Variants in MUC4 observed in about 807,000 individuals in gnomAD.
The protein encoded by MUC4 is mucin-4.
A neutral mutation model predicts 257.9 loss-of-function variants in MUC4; 202 were observed. The observed-to-expected ratio is 0.78, with a 90% CI of 0.70 to 0.88. The LOEUF (loss-of-function observed/expected upper bound fraction) is 0.88. Ranked by LOEUF, MUC4 falls within the 40% of genes least tolerant of loss-of-function variation. The pLI, the probability that MUC4 is intolerant of heterozygous loss-of-function variation, is 0.00. For synonymous variants in MUC4, 2,351 were observed against 2,757.1 expected (o/e 0.85, Z 4.62); for missense variants, 5,976 against 6,513.7 (o/e 0.92, Z 2.84).
At chr3:195,762,406 C>G in intron 13 of MUC4, 152 bp from the exon 14 acceptor site, 7 of 857,864 alleles carry the variant, frequency 8.2e-6, no homozygotes, top group Non-Finnish European at 1.2e-5. Flanking sequence ...GGCCGGCGAG[C>G]TGCACGCCCC....
At chr3:195,776,546 A>ACCCATACCTTCCG (rs1724796435) in intron 3 of MUC4, among the ~76,000 whole-genome samples, 2 of 2,598 alleles carry the variant, frequency 7.7e-4, no homozygotes, top group Admixed American at 2.1e-3. Flanking sequence ...CATACCTTCC[A>ACCCATACCTTCCG]CACCCATACC....
rs565407288 is a variant in MUC4, at chr3:195,789,670, C to T, written c.1910G>A (p.Arg637Lys). The T allele has an allele frequency of 6.2e-7, 1 of 1,613,914 alleles. No homozygotes were observed. Among genetic ancestry groups the T allele is most frequent in the Admixed American group, 1.7e-5 (1 of 60,012 alleles). Residue 637 changes from arginine (R) to lysine (K), a missense_variant, in exon 2 of 25, where the codon AGG becomes AAG. Arg to Lys is a conservative substitution (Grantham distance 26). Around this residue, in one of 44 missense-constraint regions of MUC4, gnomAD observed 1,583 missense variants for 1,257.4 expected, o/e 1.26. Coordinates refer to ENST00000463781, the MANE Select transcript of MUC4 (RefSeq NM_018406.7). ...GGTCTGCGGGGCTTGAGTGTGACCC[C>T]TTTGGGAAACAGCTGGTGATTCCTG... ...SPQESPAVSQRGHTQAPQTTQ... is the reference protein window; with the variant it reads ...SPQESPAVSQKGHTQAPQTTQ...
chr3:195,807,977 G>A (rs553137261), intron 1 of MUC4, among the ~76,000 whole-genome samples: 1 of 152,360 alleles, frequency 6.6e-6, no homozygotes, highest in East Asian at 1.9e-4. Context: ...GTGAGGCAGA[G>A]CTGTCCGCTG....
At position 195,790,778 on chromosome 3, in the gene MUC4, T is replaced by C; in HGVS notation, c.802A>G (p.Thr268Ala). The C allele has an allele frequency of 6.2e-7, 1 of 1,613,846 alleles. No individual in the cohort carries two copies. The highest frequency in any genetic ancestry group is 8.5e-7 in the Non-Finnish European group (1 of 1,179,864). ...TTTCCAAGAGTGGAGCCTGTGGAGGTTGTCACTGTTATCTTCTCTGATGTC... is the reference window on the plus strand; with the variant it reads ...TTTCCAAGAGTGGAGCCTGTGGAGGCTGTCACTGTTATCTTCTCTGATGTC... ...MMTSEKITVT[T>A]STGSTLGNPG... Residue 268 changes from threonine (T) to alanine (A), a missense_variant, in exon 2 of 25, where the codon ACC becomes GCC. Transcript: ENST00000463781.
In MUC4 at chr3:195,755,052, G is replaced by A. The variant is rs572881088; in HGVS notation, c.15169-680C>T. Among the ~76,000 whole-genome samples, 11 of 151,888 alleles carry A rather than the reference G, an allele frequency of 7.2e-5. No homozygotes were observed. In the South Asian group the frequency reaches 2.1e-3, roughly 29 times the overall value. On this transcript the variant is annotated intron_variant, in intron 18 of 24. Coordinates refer to ENST00000463781, the MANE Select transcript of MUC4 (RefSeq NM_018406.7). This position sits in a 1 kb window ranked among gnomAD's most constrained non-coding sequence, Gnocchi z 5.0. ...TTTATTTTGAGACAGGGTCCCACTC[G>A]GTTGCCCAGGCTGGAGTGCAATGTC...
chr3:195,767,981 G>A (rs1187599352), intron 7 of MUC4, among the ~76,000 whole-genome samples: 2 of 144,636 alleles, frequency 1.4e-5, no homozygotes, highest in African/African-American at 2.7e-5. Flanking sequence ...CGCCATCACC[G>A]TCCCCAGGTG....
rs118079471 is a variant in MUC4, at chr3:195,755,249, G to C, written c.15169-877C>G. On this transcript the variant is annotated intron_variant, in intron 18 of 24. Transcript: ENST00000463781. This position sits in a 1 kb window ranked among gnomAD's most constrained non-coding sequence, Gnocchi z 5.0. ...CTCGTTCTGTTTCCCACGCTGCAGTGCAGTGTCTCGATCTCGGCTCACTGC... is the reference window on the plus strand; with the variant it reads ...CTCGTTCTGTTTCCCACGCTGCAGTCCAGTGTCTCGATCTCGGCTCACTGC... Among the ~76,000 whole-genome samples the C allele has an allele frequency of 6.6e-6, 1 of 151,592 alleles. No homozygotes were observed. The highest frequency in any genetic ancestry group is 1.9e-4 in the East Asian group (1 of 5,164).
chr3:195,796,755 A>G (rs1309882877), intron 1 of MUC4, among the ~76,000 whole-genome samples: 7 of 152,224 alleles, frequency 4.6e-5, no homozygotes, highest in African/African-American at 1.7e-4. Context: ...ATGAGTTTAC[A>G]GGCAAATCAG....
Position 195,785,291 on chromosome 3 carries a change from G to A in MUC4, c.6289C>T (p.Leu2097Phe), listed in dbSNP as rs1194349872. ...ACTGAGGAAGCGTCGGTGACAAGAAGAGAGGTGGCGTGACCTGTGGATATT... is the reference window on the plus strand; with the variant it reads ...ACTGAGGAAGCGTCGGTGACAAGAAAAGAGGTGGCGTGACCTGTGGATATT... Reference protein sequence around the residue: ...SSISTGHATSLLVTDASSVST... With the variant: ...SSISTGHATSFLVTDASSVST... The change falls in exon 2 of 25, where the codon CTT (leucine) becomes TTT (phenylalanine). Residue 2097 changes from leucine to phenylalanine, a missense_variant. Coordinates refer to ENST00000463781, the MANE Select transcript of MUC4 (RefSeq NM_018406.7). 7.3e-7 allele frequency: 1 copy of A among 1,372,814 alleles called. No homozygotes were observed. The highest frequency in any genetic ancestry group is 2.3e-5 in the Admixed American group (1 of 43,808). 85.0% of individuals were successfully genotyped at this position (1,372,814 alleles called of 1,614,324 possible).
chr3:195,750,741 A>G (rs966305307), intron 23 of MUC4, 148 bp downstream of exon 23: 5 of 768,426 alleles, frequency 6.5e-6, no homozygotes, highest in Middle Eastern at 3.8e-4. Context: ...TCTCGAATCT[A>G]AAAAGCAGCT....
rs369326402 is a variant in MUC4, at chr3:195,778,965, G to A, written c.12615C>T (p.His4205=). The part of the protein sequence containing the change: ...VTDTSSASTG[H]ATPLPVTDTS... ...TGTCGGTGACAGGAAGAGGGGTGGC[G>A]TGACCTGTGGATGCTGAGGAAGTGT... Residue 4205 remains histidine, a synonymous_variant, in exon 2 of 25, where the codon CAC becomes CAT. Coordinates refer to ENST00000463781, the MANE Select transcript of MUC4 (RefSeq NM_018406.7). 6.9e-4 allele frequency: 545 copies of A among 795,174 alleles called. No individual in the cohort carries two copies. In the African/African-American group the frequency reaches 8.4e-3, roughly 12 times the overall value. 49.3% of individuals were successfully genotyped at this position (795,174 alleles called of 1,614,324 possible). A position where few individuals can be genotyped will look rare whatever the true frequency, so the allele number is the denominator to read the frequency against.
chr3:195,767,553 C>G (rs1320827723), intron 7 of MUC4, among the ~76,000 whole-genome samples: 1 of 108,782 alleles, frequency 9.2e-6, no homozygotes, highest in African/African-American at 5.5e-5. Context: ...TCACCATCAC[C>G]ATTACCATTG....
chr3:195,788,794 G>T lies in MUC4; in HGVS notation c.2786C>A (p.Thr929Asn), dbSNP rs925475732. The T allele has an allele frequency of 6.2e-7, 1 of 1,613,902 alleles. No homozygotes were observed. Among genetic ancestry groups the T allele is most frequent in the Non-Finnish European group, 8.5e-7 (1 of 1,179,848 alleles). The change falls in exon 2 of 25, where the codon ACC becomes AAC. Residue 929 changes from threonine (T) to asparagine (N), a missense_variant. Transcript: ENST00000463781. ...SDTISLASQATDTFSTVPPTP... is the reference protein window; with the variant it reads ...SDTISLASQANDTFSTVPPTP... ...GGGTGGGACTGTTGAGAAGGTGTCG[G>T]TTGCCTGGGACGCCAGGCTGATAGT...
chr3:195,781,157 C>A lies in MUC4; in HGVS notation c.10423G>T (p.Val3475Phe), dbSNP rs1365601148. 1 of 1,478,074 alleles carries A rather than the reference C, an allele frequency of 6.8e-7. No individual in the cohort carries two copies. The allele number at this position is 1,478,074 out of a possible 1,614,324, so 91.6% of individuals were successfully genotyped here. A position where few individuals can be genotyped will look rare whatever the true frequency, so the allele number is the denominator to read the frequency against. The change falls in exon 2 of 25, where the codon GTC becomes TTC. Residue 3475 changes from valine to phenylalanine, a missense_variant. Physicochemically the swap from Val to Phe is conservative, Grantham distance 50. Coordinates refer to ENST00000463781, the MANE Select transcript of MUC4 (RefSeq NM_018406.7). ...GTAGATGCTGAGGAAGGGCTGGTGA[C>A]AGGAAGAGGGGTGGTGTCACCTGTG... ...ASTGDTTPLP[V>F]TSPSSASTGH... is the part of the protein sequence containing the mutation.
At chr3:195,806,504 G>C (rs748939082) in intron 1 of MUC4, among the ~76,000 whole-genome samples, 1 of 152,258 alleles carries the variant, frequency 6.6e-6, no homozygotes, top group Non-Finnish European at 1.5e-5. Flanking sequence ...TTAGTGCCAA[G>C]AGACTGGGCC....
In MUC4 at chr3:195,788,182, T is replaced by C. The variant is rs1426923772; in HGVS notation, c.3398A>G (p.His1133Arg). 17 of 1,471,906 alleles carry C rather than the reference T, an allele frequency of 1.2e-5. No individual in the cohort carries two copies. The highest frequency in any genetic ancestry group is 1.3e-5 in the Non-Finnish European group (14 of 1,103,892). The allele number at this position is 1,471,906 out of a possible 1,614,324, so 91.2% of individuals were successfully genotyped here. The change falls in exon 2 of 25, where the codon CAC (histidine) becomes CGC (arginine). Residue 1133 changes from histidine to arginine, a missense_variant. By Grantham distance (29) the His-to-Arg change is conservative (BLOSUM62 0). This residue lies in a region of MUC4 where 11 missense variants were observed against 41.1 expected (regional missense o/e 0.27). Coordinates refer to ENST00000463781, the MANE Select transcript of MUC4 (RefSeq NM_018406.7). ...VTDTSSASTG[H>R]ATSLPVTDTS... Reference sequence around the variant, plus strand: ...GTCGGTGACAGGAAGAGAGGTGGCGTGACCTGTGGATGCTGAGGAAGTGTC... The same window carrying C: ...GTCGGTGACAGGAAGAGAGGTGGCGCGACCTGTGGATGCTGAGGAAGTGTC...
At chr3:195,760,201 T>A (rs1015301884) in intron 16 of MUC4, among the ~76,000 whole-genome samples, 4 of 152,040 alleles carry the variant, frequency 2.6e-5, no homozygotes, top group Admixed American at 2.6e-4. Context: ...TTATAAATGC[T>A]AAGGAGAAAA....
intron 4 of MUC4, among the ~76,000 whole-genome samples, chr3:195,773,538 GTGGACACCCTCTCTCTA>G (rs1723637671): frequency 2.3e-5 from 3 of 132,060 alleles, no homozygotes; most frequent in African/African-American, 1.1e-4. Flanking sequence ...CTCAGCAGGT[GTGGACACCCTCTCTCTA>G]TCGCTCAGCA....
In MUC4 at chr3:195,785,520, G is replaced by T. The variant is rs1279995831; in HGVS notation, c.6060C>A (p.Thr2020=). Residue 2020 remains threonine (T), a synonymous_variant, in exon 2 of 25, where the codon ACC becomes ACA. Coordinates refer to ENST00000463781, the MANE Select transcript of MUC4 (RefSeq NM_018406.7). Reference sequence around the variant, plus strand: ...CACCAGTGGATGCTGAGGAAAGGCTGGTGACAGGAAGAGGGGTGGCCTGTC... The same window carrying T: ...CACCAGTGGATGCTGAGGAAAGGCTTGTGACAGGAAGAGGGGTGGCCTGTC... ...STGQATPLPV[T]SLSSASTGDT... 1 of 1,520,728 alleles carries T rather than the reference G, an allele frequency of 6.6e-7. No individual in the cohort carries two copies. The highest frequency in any genetic ancestry group is 1.2e-5 in the South Asian group (1 of 83,378). The allele number at this position is 1,520,728 out of a possible 1,614,324, so 94.2% of individuals were successfully genotyped here.
Sources: allele counts gnomAD v4.1 joint callset (sites outside exome capture counted in the v4.1 genomes callset), GRCh38; gene constraint gnomAD v4.1.1; regional missense constraint gnomAD v4.1.1; non-coding constraint Gnocchi (gnomAD v3.1); transcripts MANE v1.5; gene names NCBI Gene and HGNC (gene_info 2026-07-23, HGNC 2026-07-21).